Variants in CEP152 observed in about 807,000 individuals in gnomAD.
The protein encoded by CEP152 is centrosomal protein of 152 kDa.
In CEP152, 132 loss-of-function variants were observed where a neutral mutation model predicts 188.9. That is an observed-to-expected ratio of 0.70 (90% CI 0.61 to 0.81). The LOEUF is 0.81. CEP152 is among the 30% of genes least tolerant of loss of function. CEP152 has a pLI of 0.00. For synonymous variants in CEP152, 649 were observed against 666.6 expected (o/e 0.97, Z 0.41); for missense variants, 1,914 against 1,969.8 (o/e 0.97, Z 0.54).
At chr15:48,748,701 A>G in intron 21 of CEP152, 91 bp from the exon 22 acceptor site, 1 of 1,276,376 alleles carries the variant, frequency 7.8e-7, no homozygotes, top group Non-Finnish European at 1.0e-6. Flanking sequence ...AGAAAAGCAG[A>G]TGACTCATGA....
Position 48,741,972 on chromosome 15 carries a change from T to C in CEP152, c.3964A>G (p.Ile1322Val). 1.2e-6 allele frequency: 2 copies of C among 1,614,162 alleles called. No individual in the cohort carries two copies. The highest frequency in any genetic ancestry group is 1.7e-6 in the Non-Finnish European group (2 of 1,180,022). The change falls in exon 25 of 27, where the codon ATT becomes GTT. Residue 1322 changes from isoleucine (I) to valine (V), a missense_variant. Ile to Val is a conservative substitution (Grantham distance 29, BLOSUM62 3). Transcript: ENST00000380950. ...CCTTCTTTTCCATCATCCTGCAAAA[T>C]CTGTTGGAGGCAAATCAAATAATAT... ...RKYYLICLQQ[I>V]LQDDGKEGAE... is the part of the protein sequence containing the mutation.
At chr15:48,800,771 GCCACT>G (rs972401470) in intron 2 of CEP152, among the ~76,000 whole-genome samples, 4 of 152,042 alleles carry the variant, frequency 2.6e-5, no homozygotes, top group African/African-American at 9.7e-5. Flanking sequence ...AAGATAATTT[GCCACT>G]CTAAGGCTTC....
At chr15:48,760,767 G>A (rs1894627680) in intron 18 of CEP152, among the ~76,000 whole-genome samples, 1 of 152,086 alleles carries the variant, frequency 6.6e-6, no homozygotes, top group African/African-American at 2.4e-5. Flanking sequence ...TGATACCTCT[G>A]AAGGGAAAAA....
At chr15:48,730,107 T>A (rs1401229836) in intron 2 of CEP152, among the ~76,000 whole-genome samples, 1 of 152,136 alleles carries the variant, frequency 6.6e-6, no homozygotes, top group Non-Finnish European at 1.5e-5. Flanking sequence ...TGCTGAACTT[T>A]GGAAGATCAG....
At chr15:48,791,551 CTTAT>C (rs1047498787) in intron 7 of CEP152, among the ~76,000 whole-genome samples, 175 bp from the exon 8 acceptor site, 9 of 152,234 alleles carry the variant, frequency 5.9e-5, no homozygotes, top group African/African-American at 1.7e-4. Flanking sequence ...TACTTACTTA[CTTAT>C]TTATTTATTT....
chr15:48,805,720 A>C lies in CEP152; in HGVS notation c.-7-64T>G, dbSNP rs569964678. On this transcript the variant is annotated intron_variant, in intron 1 of 26. Transcript: ENST00000380950. ...ATAAAATCTCCCCAGGACAAACTAC[A>C]TAAGAGATGCCATACATACACAAAG... 3 of 1,602,484 alleles carry C rather than the reference A, an allele frequency of 1.9e-6. No individual in the cohort carries two copies. The Admixed American group carries it at 5.1e-5, about 27-fold the overall frequency.
chr15:48,803,904 A>G (rs572645865), intron 2 of CEP152, among the ~76,000 whole-genome samples: 1 of 152,366 alleles, frequency 6.6e-6, no homozygotes, highest in African/African-American at 2.4e-5. Context: ...CAACTATCCA[A>G]GCCCAGTCAT....
At chr15:48,766,418 G>A (rs1363387647) in intron 17 of CEP152, among the ~76,000 whole-genome samples, 1 of 152,180 alleles carries the variant, frequency 6.6e-6, no homozygotes, top group African/African-American at 2.4e-5. Context: ...AAGAAAAGAG[G>A]AGGTGTGACT....
chr15:48,795,387 G>C (rs1015175677), intron 6 of CEP152, among the ~76,000 whole-genome samples: 3 of 152,082 alleles, frequency 2.0e-5, no homozygotes, highest in Admixed American at 6.6e-5. Context: ...GAAAAAAGTT[G>C]ATGATAGTGC....
chr15:48,786,220 T>C (rs975818125), intron 9 of CEP152, among the ~76,000 whole-genome samples: 2 of 152,134 alleles, frequency 1.3e-5, no homozygotes, highest in Admixed American at 6.6e-5. Flanking sequence ...GATCTTAACA[T>C]GACACTTCCA....
At position 48,768,247 on chromosome 15, in the gene CEP152, C is replaced by CA; in HGVS notation, c.1989dup (p.Asp664Ter). On this transcript the variant is annotated frameshift_variant, in exon 15 of 27. Transcript: ENST00000380950. LOFTEE classifies it high-confidence loss of function. Reference sequence around the variant, plus strand: ...TCCACAGCTTCTTGTTTGTCATGGTCAAAATCTTGTACCATTTGTCTCATT... The same window carrying CA: ...TCCACAGCTTCTTGTTTGTCATGGTCAAAAATCTTGTACCATTTGTCTCATT... 1.9e-6 allele frequency: 3 copies of CA among 1,611,374 alleles called. No homozygotes were observed. The highest frequency in any genetic ancestry group is 2.5e-6 in the Non-Finnish European group (3 of 1,177,530).
Position 48,768,936 on chromosome 15 carries a change from TA to T in CEP152, c.1908+19del, listed in dbSNP as rs773691592. 2.4e-5 allele frequency: 34 copies of T among 1,430,396 alleles called. No homozygotes were observed. The Admixed American group carries it at 3.6e-4, about 15-fold the overall frequency. 88.6% of individuals were successfully genotyped at this position (1,430,396 alleles called of 1,614,324 possible). A position where few individuals can be genotyped will look rare whatever the true frequency, so the allele number is the denominator to read the frequency against. ...AGGAAATAAAAATTCTCATAAAATATAAAAAATATTTTTAATCACCTGATTT... is the reference window on the plus strand; with the variant it reads ...AGGAAATAAAAATTCTCATAAAATATAAAAATATTTTTAATCACCTGATTT... On this transcript the variant is annotated intron_variant, in intron 14 of 26. Transcript: ENST00000380950.
Position 48,784,106 on chromosome 15 carries a change from A to T in CEP152, c.1188T>A (p.Ser396=). Residue 396 remains serine (S), a synonymous_variant, in exon 10 of 27, where the codon TCT becomes TCA. Coordinates refer to ENST00000380950, the MANE Select transcript of CEP152 (RefSeq NM_001194998.2). ...GTTGTTTCACGTGATCTTTCAGACG[A>T]GAGCAAATGTCTTCCTAAATAGAAA... ...TALKEQEDIC[S]RLKDHVKQLE... The T allele has an allele frequency of 6.2e-7, 1 of 1,613,566 alleles. No homozygotes were observed. The highest frequency in any genetic ancestry group is 1.3e-5 in the African/African-American group (1 of 75,026).
At chr15:48,751,138 T>C (rs1893846667) in intron 21 of CEP152, among the ~76,000 whole-genome samples, 1 of 152,222 alleles carries the variant, frequency 6.6e-6, no homozygotes, top group Admixed American at 6.5e-5. Context: ...AATACATGTT[T>C]TGTATTATTT....
At chr15:48,737,603 T>C (rs890402276), downstream of CEP152, among the ~76,000 whole-genome samples, 1 of 152,146 alleles carries the variant, frequency 6.6e-6, no homozygotes, top group Non-Finnish European at 1.5e-5. Context: ...AGACAAAGTT[T>C]TTGGATGTCA....
At chr15:48,787,324 T>C (rs1896727115) in intron 9 of CEP152, among the ~76,000 whole-genome samples, 1 of 151,834 alleles carries the variant, frequency 6.6e-6, no homozygotes, top group African/African-American at 2.4e-5. Flanking sequence ...CATGCCACCA[T>C]GCCCAGCTAA....
intron 20 of CEP152, among the ~76,000 whole-genome samples, chr15:48,754,648 T>C (rs1229641353): frequency 6.6e-6 from 1 of 152,152 alleles, no homozygotes; most frequent in Non-Finnish European, 1.5e-5. Context: ...AAATATCAAC[T>C]GGGGTGAAGT....
intron 18 of CEP152, among the ~76,000 whole-genome samples, chr15:48,760,762 C>A (rs1894626960): frequency 6.6e-6 from 1 of 152,012 alleles, no homozygotes. Flanking sequence ...GAGGGTGATA[C>A]CTCTGAAGGG....
chr15:48,797,379 G>C lies in CEP152; in HGVS notation c.462C>G (p.Thr154=). Residue 154 remains threonine, a synonymous_variant, in exon 5 of 27, where the codon ACC becomes ACG. Coordinates refer to ENST00000380950, the MANE Select transcript of CEP152 (RefSeq NM_001194998.2). ...YHLPENFRPY[T]NGQKQEFNNQ... ...TATTAAATTCCTGCTTCTGACCATT[G>C]GTATATGGCCTAAAGTTTTCAGGAA... 2 of 1,613,956 alleles carry C rather than the reference G, an allele frequency of 1.2e-6. No homozygotes were observed. Among genetic ancestry groups the C allele is most frequent in the Non-Finnish European group, 1.7e-6 (2 of 1,179,894 alleles).
Sources: gnomAD v4.1 joint callset for allele counts (sites outside exome capture counted in the v4.1 genomes callset) on GRCh38, gnomAD v4.1.1 for gene constraint, MANE v1.5 for transcripts, NCBI Gene and HGNC (gene_info 2026-07-23, HGNC 2026-07-21) for gene names.